MPHOSPH6: variants seen among roughly 807,000 people sequenced by gnomAD.
MPHOSPH6 encodes the protein M-phase phosphoprotein 6.
A neutral mutation model predicts 21.8 loss-of-function variants in MPHOSPH6; 25 were observed. That is an observed-to-expected ratio of 1.15 (90% CI 0.83 to 1.60). The LOEUF is 1.60. Among genes scored for constraint, MPHOSPH6 ranks in the 40% most tolerant of loss-of-function variants. The pLI, the probability that MPHOSPH6 is intolerant of heterozygous loss-of-function variation, is 0.00. For missense variants in MPHOSPH6, 269 were observed against 181.8 expected, an observed-to-expected ratio of 1.48 and a Z score of -2.76; for synonymous variants, 84 against 56.5, an observed-to-expected ratio of 1.49 and a Z score of -2.18.
In MPHOSPH6 at chr16:82,151,549, T is replaced by C. The variant is rs759336633; in HGVS notation, c.165-35A>G. On this transcript the variant is annotated intron_variant, in intron 2 of 4. Transcript: ENST00000258169. ...AAAATAAAAATAGCATTTCTCCATATATAAAGCACAGCAAACAAAAGCCAA... is the reference window on the plus strand; with the variant it reads ...AAAATAAAAATAGCATTTCTCCATACATAAAGCACAGCAAACAAAAGCCAA... The C allele has an allele frequency of 2.2e-5, 34 of 1,542,656 alleles. 1 individual carries two copies. In the South Asian group the frequency reaches 4.2e-4, roughly 19 times the overall value.
At chr16:82,149,823 T>C (rs1296907063) in intron 3 of MPHOSPH6, among the ~76,000 whole-genome samples, 2 of 152,074 alleles carry the variant, frequency 1.3e-5, no homozygotes, top group Non-Finnish European at 2.9e-5. Context: ...CATCTCTTGG[T>C]GGTGGTGGTG....
chr16:82,167,027 T>C (rs574743575), intron 1 of MPHOSPH6, among the ~76,000 whole-genome samples: 2 of 152,318 alleles, frequency 1.3e-5, no homozygotes, highest in East Asian at 1.9e-4. Flanking sequence ...AGATGTCTGT[T>C]GTCGTCGATA....
chr16:82,169,480 C>T (rs1027863011), intron 1 of MPHOSPH6, among the ~76,000 whole-genome samples: 8 of 152,218 alleles, frequency 5.3e-5, no homozygotes, highest in African/African-American at 1.9e-4. Flanking sequence ...GGACTGAGTA[C>T]TTCTCTGGGT....
chr16:82,158,754 G>A (rs143442456), intron 2 of MPHOSPH6, among the ~76,000 whole-genome samples: 90 of 152,226 alleles, frequency 5.9e-4, no homozygotes, highest in African/African-American at 2.0e-3. Context: ...TTAGAATTCC[G>A]AATAGCTTTT....
At chr16:82,160,247 ATTT>A (rs1340658273) in intron 2 of MPHOSPH6, among the ~76,000 whole-genome samples, 6 of 152,188 alleles carry the variant, frequency 3.9e-5, no homozygotes, top group African/African-American at 9.7e-5. Context: ...CTCTTTTTGT[ATTT>A]TAATTATCCA....
intron 1 of MPHOSPH6, 149 bp downstream of exon 1, chr16:82,169,976 C>T: frequency 1.1e-6 from 1 of 908,630 alleles, no homozygotes; most frequent in Non-Finnish European, 1.6e-6. Flanking sequence ...CAGTGCAGAG[C>T]AGGCGCTAAG....
At chr16:82,164,278 G>A (rs2303266) in intron 1 of MPHOSPH6, 84 bp from the exon 2 acceptor site, 467,893 of 860,426 alleles carry the variant, frequency 0.54, 136,154 homozygotes, top group Non-Finnish European at 0.61. Context: ...TCTTCTACTT[G>A]TTCTCCTTCA....
At chr16:82,169,359 T>A (rs999476891) in intron 1 of MPHOSPH6, among the ~76,000 whole-genome samples, 9 of 152,268 alleles carry the variant, frequency 5.9e-5, no homozygotes, top group African/African-American at 2.2e-4. Context: ...TTCTCCTAGT[T>A]TAGGACGCTG....
rs115519918 is a variant in MPHOSPH6, at chr16:82,157,347, A to G, written c.165-5833T>C. Among the ~76,000 whole-genome samples the G allele has an allele frequency of 3.1e-3, 465 of 152,368 alleles. 2 individuals are homozygous for G. Among genetic ancestry groups the G allele is most frequent in the African/African-American group, 0.011 (443 of 41,586 alleles). On this transcript the variant is annotated intron_variant, in intron 2 of 4. Coordinates refer to ENST00000258169, the MANE Select transcript of MPHOSPH6 (RefSeq NM_005792.2). ...AGAAACAAATTACTGATGTTCCAAA[A>G]CAAGGATGAATATCCAAAACATTTT...
intron 2 of MPHOSPH6, 31 bp downstream of exon 2, chr16:82,164,051 G>T: frequency 1.4e-6 from 2 of 1,426,932 alleles, no homozygotes; most frequent in South Asian, 1.2e-5. Flanking sequence ...AATGCCACAA[G>T]CATCATCAGT....
chr16:82,165,133 AT>A (rs890222577), intron 1 of MPHOSPH6, among the ~76,000 whole-genome samples: 9 of 93,120 alleles, frequency 9.7e-5, no homozygotes, highest in Non-Finnish European at 1.6e-4. Context: ...TTTTTTTTTT[AT>A]TTTTTTTTTT....
intron 1 of MPHOSPH6, chr16:82,167,561 G>A (rs187554072): frequency 3.9e-4 from 61 of 155,964 alleles, no homozygotes; most frequent in Admixed American, 3.0e-3. Flanking sequence ...ATCAGTGGAA[G>A]ACCTGAGCTT....
At chr16:82,169,071 T>C (rs922164461) in intron 1 of MPHOSPH6, among the ~76,000 whole-genome samples, 1 of 152,212 alleles carries the variant, frequency 6.6e-6, no homozygotes, top group Non-Finnish European at 1.5e-5. Context: ...GTGAATTGCA[T>C]AGGTTAATAT....
intron 2 of MPHOSPH6, among the ~76,000 whole-genome samples, chr16:82,151,741 C>A (rs757402610): frequency 6.6e-6 from 1 of 152,238 alleles, no homozygotes; most frequent in African/African-American, 2.4e-5. Context: ...TTAAACACCA[C>A]ATTTAATTTG....
At chr16:82,153,281 G>A (rs1054981642) in intron 2 of MPHOSPH6, among the ~76,000 whole-genome samples, 3 of 152,174 alleles carry the variant, frequency 2.0e-5, no homozygotes, top group Non-Finnish European at 2.9e-5. Flanking sequence ...GGGAGTAATT[G>A]GTATGGAACT....
rs372885969 is a variant in MPHOSPH6 at position 82,167,793 on chromosome 16, G to T, written c.51+2332C>A. 1.8e-4 allele frequency among the ~76,000 whole-genome samples: 28 copies of T among 152,296 alleles called. 1 individual carries two copies. In the South Asian group the frequency reaches 5.8e-3, roughly 32 times the overall value. The stretch of plus-strand genomic sequence containing the variant: ...ATGGGGAACAGCTGTAAATACAGAT[G>T]AAGTTTCGCTCGCTTGCCTGCCCGC... On this transcript the variant is annotated intron_variant, in intron 1 of 4. Transcript: ENST00000258169.
chr16:82,161,927 G>C (rs541442220), intron 2 of MPHOSPH6, among the ~76,000 whole-genome samples: 1 of 152,190 alleles, frequency 6.6e-6, no homozygotes, highest in Non-Finnish European at 1.5e-5. Flanking sequence ...TGGGAAAGTC[G>C]AGACTTTCAG....
At chr16:82,155,951 C>T (rs1269819664) in intron 2 of MPHOSPH6, among the ~76,000 whole-genome samples, 1 of 151,432 alleles carries the variant, frequency 6.6e-6, no homozygotes, top group African/African-American at 2.4e-5. Flanking sequence ...CTATGAAAGA[C>T]ATGTCCTTTG....
Position 82,157,675 on chromosome 16 carries a change from A to C in MPHOSPH6, c.165-6161T>G, listed in dbSNP as rs746262466. On this transcript the variant is annotated intron_variant, in intron 2 of 4. Transcript: ENST00000258169. ...CAGTTTAAGGGGAGATACTGAGGGC[A>C]GACTAGAGGAGAGGCGTCTTTTAAA... Among the ~76,000 whole-genome samples the C allele has an allele frequency of 2.7e-5, 4 of 148,896 alleles. No individual in the cohort carries two copies. The Admixed American group carries it at 2.7e-4, about 10-fold the overall frequency.
Sources: allele counts gnomAD v4.1 joint callset (sites outside exome capture counted in the v4.1 genomes callset), GRCh38; gene constraint gnomAD v4.1.1; transcripts MANE v1.5; gene names NCBI Gene and HGNC (gene_info 2026-07-23, HGNC 2026-07-21).